The following TRIM67 variants were observed in gnomAD, a reference collection of about 807,000 sequenced individuals.
TRIM67 encodes tripartite motif containing 67.
TRIM67 carries 39 observed loss-of-function variants against 71.0 expected under a neutral mutation model. That is an observed-to-expected ratio of 0.55 (90% CI 0.43 to 0.72). The LOEUF is 0.72. Among genes scored for constraint, TRIM67 ranks in the 30% least tolerant of loss-of-function variants. The pLI is 0.00. For synonymous variants in TRIM67, 481 were observed against 473.9 expected (o/e 1.01, Z -0.19); for missense variants, 973 against 1,079.2 (o/e 0.90, Z 1.38).
intron 1 of TRIM67, chr1:231,184,957 T>G: frequency 7.0e-7 from 1 of 1,435,864 alleles, no homozygotes; most frequent in South Asian, 1.2e-5. Context: ...GCTCTAAGGG[T>G]TGCTGGATAA....
chr1:231,204,466 T>G (rs760860219), intron 6 of TRIM67, among the ~76,000 whole-genome samples: 7 of 152,156 alleles, frequency 4.6e-5, no homozygotes, highest in Non-Finnish European at 1.0e-4. Context: ...AAATGGTTGT[T>G]GAATCGGGAC....
At chr1:231,186,808 G>C (rs1683089900) in intron 1 of TRIM67, among the ~76,000 whole-genome samples, 1 of 152,168 alleles carries the variant, frequency 6.6e-6, no homozygotes, top group Non-Finnish European at 1.5e-5. Flanking sequence ...CTTGCATTGA[G>C]CAGTATCTCC....
At chr1:231,186,533 C>T (rs936824458) in intron 1 of TRIM67, among the ~76,000 whole-genome samples, 1 of 152,168 alleles carries the variant, frequency 6.6e-6, no homozygotes, top group Non-Finnish European at 1.5e-5. Flanking sequence ...TCTCCCAGCT[C>T]CTTGTAGATC....
rs1440462206 is a variant in TRIM67 at position 231,163,808 on chromosome 1, G to T, written c.839G>T (p.Gly280Val). ...TAQGAPSGGG[G>V]CKSPGGAGAG... ...CAGGGCGCCCCCAGCGGAGGCGGCG[G>T]CTGCAAGAGCCCGGGAGGCGCGGGG... Residue 280 changes from glycine to valine, a missense_variant, in exon 1 of 10, where the codon GGC becomes GTC. This residue lies in a region of TRIM67 where 795 missense variants were observed against 831.3 expected (regional missense o/e 0.96). Transcript: ENST00000366653. 8 of 1,497,266 alleles carry T rather than the reference G, an allele frequency of 5.3e-6. No individual in the cohort carries two copies. The Admixed American group carries it at 8.6e-5, about 16-fold the overall frequency. The allele number at this position is 1,497,266 out of a possible 1,614,324, so 92.7% of individuals were successfully genotyped here.
intron 1 of TRIM67, among the ~76,000 whole-genome samples, chr1:231,178,112 C>T (rs1334497130): frequency 6.6e-6 from 1 of 152,176 alleles, no homozygotes; most frequent in Non-Finnish European, 1.5e-5. Context: ...GCATGGCTCT[C>T]TCCTCCCTCC....
At chr1:231,179,340 C>T (rs1448534032) in intron 1 of TRIM67, among the ~76,000 whole-genome samples, 1 of 152,194 alleles carries the variant, frequency 6.6e-6, no homozygotes, top group African/African-American at 2.4e-5. Flanking sequence ...GGATTAGAGC[C>T]CATTCTACTC....
chr1:231,178,291 A>G (rs753530029), intron 1 of TRIM67, among the ~76,000 whole-genome samples: 1 of 152,240 alleles, frequency 6.6e-6, no homozygotes, highest in African/African-American at 2.4e-5. Flanking sequence ...CATTGGTGCT[A>G]TAGAGGCAGG....
chr1:231,171,473 G>A (rs1168403827), intron 1 of TRIM67, among the ~76,000 whole-genome samples: 1 of 152,176 alleles, frequency 6.6e-6, no homozygotes, highest in African/African-American at 2.4e-5. Flanking sequence ...TCAGCAAAGA[G>A]AATGCTTTAT....
intron 5 of TRIM67, among the ~76,000 whole-genome samples, chr1:231,202,300 G>A (rs1020422046): frequency 8.0e-5 from 4 of 49,858 alleles, no homozygotes; most frequent in Non-Finnish European, 1.4e-4. Flanking sequence ...CAGTAGTGGT[G>A]GTGGTGGTGC....
chr1:231,182,101 C>T (rs915244088), intron 1 of TRIM67, among the ~76,000 whole-genome samples: 2 of 152,176 alleles, frequency 1.3e-5, no homozygotes, highest in East Asian at 3.9e-4. Context: ...TATTTCATAT[C>T]AGGTGCAAAG....
chr1:231,185,039 A>G (rs1181806291), intron 1 of TRIM67: 6 of 1,532,768 alleles, frequency 3.9e-6, no homozygotes, highest in Non-Finnish European at 8.7e-7. Context: ...TGCAGGGCCT[A>G]GGCTAGTGTG....
intron 4 of TRIM67, 81 bp from the exon 5 acceptor site, chr1:231,201,277 A>T: frequency 6.9e-7 from 1 of 1,450,678 alleles, no homozygotes; most frequent in Non-Finnish European, 9.3e-7. Flanking sequence ...ATAGAGACAA[A>T]GTCCCTACCT....
intron 1 of TRIM67, among the ~76,000 whole-genome samples, chr1:231,166,794 A>G (rs1239073749): frequency 6.6e-6 from 1 of 152,230 alleles, no homozygotes; most frequent in Non-Finnish European, 1.5e-5. Flanking sequence ...AGCAGTGTAA[A>G]AAACTTTAGG....
Position 231,204,011 on chromosome 1 carries a change from G to A in TRIM67, c.1679G>A (p.Arg560Gln), listed in dbSNP as rs371678236. ...ELDDGAGGQF[R>Q]EVYVGKETLC... ...GACGACGGTGCCGGGGGACAGTTCCGGGTGAGGCCTTGCTGCTTATTTGGC... is the reference window on the plus strand; with the variant it reads ...GACGACGGTGCCGGGGGACAGTTCCAGGTGAGGCCTTGCTGCTTATTTGGC... Residue 560 changes from arginine to glutamine, a missense_variant and splice_region_variant, in exon 6 of 10, where the codon CGG becomes CAG. Transcript: ENST00000366653. 19 of 1,613,892 alleles carry A rather than the reference G, an allele frequency of 1.2e-5. No homozygotes were observed. The highest frequency in any genetic ancestry group is 3.3e-5 in the South Asian group (3 of 91,076).
intron 1 of TRIM67, among the ~76,000 whole-genome samples, chr1:231,177,027 C>G (rs1353710571): frequency 6.6e-6 from 1 of 151,694 alleles, no homozygotes; most frequent in African/African-American, 2.4e-5. Flanking sequence ...TAAGAGATTC[C>G]CAGGAGGAAA....
chr1:231,205,270 T>TTTGAGCTGTGGCTC (rs1571899244), intron 6 of TRIM67, among the ~76,000 whole-genome samples: 2 of 152,326 alleles, frequency 1.3e-5, no homozygotes, highest in Non-Finnish European at 1.5e-5. Flanking sequence ...CAGACCTGGA[T>TTTGAGCTGTGGCTC]TTGAGCTGTG....
At position 231,208,982 on chromosome 1, in the gene TRIM67, C is replaced by T. The variant is rs765175270; in HGVS notation, c.1855C>T (p.Arg619Trp). Reference sequence around the variant, plus strand: ...CACATTTGACCCCAACTCTGGGCATCGGGACATCATTTTATCCAATGACAA... The same window carrying T: ...CACATTTGACCCCAACTCTGGGCATTGGGACATCATTTTATCCAATGACAA... Reference protein sequence around the residue: ...WFTFDPNSGHRDIILSNDNQT... With the variant: ...WFTFDPNSGHWDIILSNDNQT... The change falls in exon 8 of 10, where the codon CGG (arginine) becomes TGG (tryptophan). Residue 619 changes from arginine to tryptophan, a missense_variant. Arg to Trp is a moderately radical substitution (Grantham distance 101). Transcript: ENST00000366653. The T allele has an allele frequency of 1.9e-6, 3 of 1,603,052 alleles. No homozygotes were observed. The highest frequency in any genetic ancestry group is 2.6e-6 in the Non-Finnish European group (3 of 1,171,840).
intron 5 of TRIM67, 50 bp from the exon 6 acceptor site, chr1:231,203,816 TG>T: frequency 6.3e-7 from 1 of 1,582,208 alleles, no homozygotes. Flanking sequence ...GGGACCGGGC[TG>T]GGGCCCTCGG....
intron 4 of TRIM67, among the ~76,000 whole-genome samples, chr1:231,200,965 G>T (rs1683504306): frequency 6.6e-6 from 1 of 152,088 alleles, no homozygotes; most frequent in African/African-American, 2.4e-5. Flanking sequence ...TAGGGGTGTG[G>T]AATATGCTTT....
Sources: allele counts gnomAD v4.1 joint callset (sites outside exome capture counted in the v4.1 genomes callset), GRCh38; gene constraint gnomAD v4.1.1; regional missense constraint gnomAD v4.1.1; transcripts MANE v1.5; gene names NCBI Gene and HGNC (gene_info 2026-07-23, HGNC 2026-07-21).